The following SH3BP4 variants were observed in gnomAD, a reference collection of about 807,000 sequenced individuals.
The protein encoded by SH3BP4 is SH3 domain-binding protein 4.
Under a neutral mutation model 65.5 loss-of-function variants are expected in SH3BP4, and 33 were observed. The observed-to-expected ratio is 0.50, with a 90% confidence interval of 0.38 to 0.67. SH3BP4 has a LOEUF of 0.67. Ranked by LOEUF, SH3BP4 falls within the 30% of genes least tolerant of loss-of-function variation. SH3BP4 has a pLI of 0.00. For missense variants in SH3BP4, 1,134 were observed against 1,261.4 expected (o/e 0.90, Z 1.53); for synonymous variants, 552 against 545.5 (o/e 1.01, Z -0.17).
chr2:234,957,710 C>T (rs1454926159), intron 1 of SH3BP4, among the ~76,000 whole-genome samples: 1 of 151,906 alleles, frequency 6.6e-6, no homozygotes, highest in Non-Finnish European at 1.5e-5. Context: ...ATTTGGAAAG[C>T]TTCCCGGGTG....
At position 234,974,745 on chromosome 2, in the gene SH3BP4, G is replaced by A. The variant is rs1349368288; in HGVS notation, c.-206-20558G>A. On this transcript the variant is annotated intron_variant, in intron 1 of 5. Coordinates refer to ENST00000392011, the MANE Select transcript of SH3BP4 (RefSeq NM_014521.3). This position sits in a 1 kb window ranked among gnomAD's most constrained non-coding sequence, Gnocchi z 4.6. ...CGAGGGGTTCCTTGCCAGCTTCTCT[G>A]GCTCCTGTCTGCCTCCTCTTTGTTC... Among the ~76,000 whole-genome samples, 3 of 152,134 alleles carry A rather than the reference G, an allele frequency of 2.0e-5. No individual in the cohort carries two copies. Among genetic ancestry groups the A allele is most frequent in the African/African-American group, 4.8e-5 (2 of 41,428 alleles).
intron 1 of SH3BP4, among the ~76,000 whole-genome samples, chr2:234,989,840 G>A (rs1055359497): frequency 2.0e-5 from 3 of 152,138 alleles, no homozygotes; most frequent in Non-Finnish European, 4.4e-5. Context: ...TTTGGCCCGC[G>A]GGCTGTAGTT....
intron 1 of SH3BP4, among the ~76,000 whole-genome samples, chr2:234,985,087 G>A (rs895036922): frequency 7.2e-4 from 109 of 152,306 alleles, no homozygotes; most frequent in African/African-American, 2.5e-3. Flanking sequence ...AGGCTGACCC[G>A]GGCTTGGGGC....
intron 4 of SH3BP4, among the ~76,000 whole-genome samples, chr2:235,048,888 G>A (rs1423162831): frequency 6.6e-6 from 1 of 152,198 alleles, no homozygotes. Context: ...GCAGTCCATC[G>A]AGTGTTTCCT....
At chr2:235,003,684 C>T (rs556351304) in intron 2 of SH3BP4, among the ~76,000 whole-genome samples, 28 of 152,276 alleles carry the variant, frequency 1.8e-4, no homozygotes, top group African/African-American at 6.5e-4. Flanking sequence ...CAGTTATGGG[C>T]GTGTGACACC....
At position 235,042,132 on chromosome 2, in the gene SH3BP4, GC is replaced by G. The variant is rs1291150184; in HGVS notation, c.1366del (p.His456MetfsTer36). 2 of 1,613,960 alleles carry G rather than the reference GC, an allele frequency of 1.2e-6. No individual in the cohort carries two copies. On this transcript the variant is annotated frameshift_variant, in exon 4 of 6. Transcript: ENST00000392011. LOFTEE classifies it high-confidence loss of function. The surrounding 1 kb of genome is among the most constrained non-coding windows in gnomAD (Gnocchi z 7.3). ...GCCCTGTATGTACGTGGCTGTCGTGGCCCATGGCCCAAGCATCCTCTACCCT... is the reference window on the plus strand; with the variant it reads ...GCCCTGTATGTACGTGGCTGTCGTGGCCATGGCCCAAGCATCCTCTACCCT... ...LEPCMYVAVV[A>X]HGPSILYPST...
chr2:234,991,289 C>T lies in SH3BP4; in HGVS notation c.-206-4014C>T, dbSNP rs890350631. The stretch of plus-strand genomic sequence containing the variant: ...CATTTATCCACTCACCCTCCCAGAC[C>T]CTCTGAGGTGGGATCAACTCTCTGC... On this transcript the variant is annotated intron_variant, in intron 1 of 5. Coordinates refer to ENST00000392011, the MANE Select transcript of SH3BP4 (RefSeq NM_014521.3). This position sits in a 1 kb window ranked among gnomAD's most constrained non-coding sequence, Gnocchi z 4.2. 2.6e-5 allele frequency among the ~76,000 whole-genome samples: 4 copies of T among 152,114 alleles called. No individual in the cohort carries two copies. Among genetic ancestry groups the T allele is most frequent in the Non-Finnish European group, 5.9e-5 (4 of 68,022 alleles).
At position 235,038,299 on chromosome 2, in the gene SH3BP4, T is replaced by TATATAA. The variant is rs1417284927; in HGVS notation, c.119-2589_119-2588insATATAA. On this transcript the variant is annotated intron_variant, in intron 3 of 5. Transcript: ENST00000392011. ...ATATATATTATATATAATATATATA[T>TATATAA]TATATATATATATTATATATTATAT... Among the ~76,000 whole-genome samples the TATATAA allele has an allele frequency of 9.3e-3, 109 of 11,762 alleles. 4 individuals carry two copies. Among genetic ancestry groups the TATATAA allele is most frequent in the African/African-American group, 0.077 (96 of 1,248 alleles). 7.7% of individuals were successfully genotyped at this position (11,762 alleles called of 152,430 possible).
intron 2 of SH3BP4, among the ~76,000 whole-genome samples, chr2:235,011,175 C>T (rs201634917): frequency 2.2e-5 from 2 of 91,312 alleles, no homozygotes; most frequent in African/African-American, 9.4e-5. Flanking sequence ...CCCTTCCTCC[C>T]TCTCCTAGGA....
At chr2:235,049,274 C>T (rs998162523) in intron 4 of SH3BP4, among the ~76,000 whole-genome samples, 9 of 152,198 alleles carry the variant, frequency 5.9e-5, no homozygotes, top group Non-Finnish European at 1.2e-4. Flanking sequence ...GGACCTGTGC[C>T]CAGTTCCCCT....
intron 3 of SH3BP4, among the ~76,000 whole-genome samples, chr2:235,038,514 G>A (rs1437596248): frequency 6.8e-6 from 1 of 146,214 alleles, no homozygotes; most frequent in African/African-American, 2.5e-5. Context: ...CTTAATATAT[G>A]TTATATGTAT....
chr2:235,006,234 G>A (rs1694289796), intron 2 of SH3BP4, among the ~76,000 whole-genome samples: 1 of 152,226 alleles, frequency 6.6e-6, no homozygotes, highest in Non-Finnish European at 1.5e-5. Flanking sequence ...GTCTTTGCGG[G>A]CTTTGTTCCG....
chr2:234,980,194 C>T (rs1260360279), intron 1 of SH3BP4, among the ~76,000 whole-genome samples: 1 of 152,044 alleles, frequency 6.6e-6, no homozygotes, highest in East Asian at 1.9e-4. Context: ...GATACAGGGC[C>T]CCCAGAAGGT....
At chr2:235,019,433 ATTTT>A (rs564639628) in intron 2 of SH3BP4, among the ~76,000 whole-genome samples, 1 of 129,158 alleles carries the variant, frequency 7.7e-6, no homozygotes, top group Admixed American at 8.1e-5. Context: ...GGAAGGGCGA[ATTTT>A]TTTTTTTTTT....
chr2:234,993,197 C>T (rs1422564416), intron 1 of SH3BP4, among the ~76,000 whole-genome samples: 1 of 152,156 alleles, frequency 6.6e-6, no homozygotes, highest in Non-Finnish European at 1.5e-5. Flanking sequence ...TTTCTCGAAG[C>T]CCCCGTCAGA....
At chr2:234,988,572 T>C (rs1693653787) in intron 1 of SH3BP4, among the ~76,000 whole-genome samples, 1 of 152,134 alleles carries the variant, frequency 6.6e-6, no homozygotes, top group African/African-American at 2.4e-5. Flanking sequence ...ACAGGTGTAG[T>C]GGGCCCTGTG....
chr2:234,972,316 T>A (rs1693025914), intron 1 of SH3BP4, among the ~76,000 whole-genome samples: 1 of 151,900 alleles, frequency 6.6e-6, no homozygotes, highest in Admixed American at 6.6e-5. Flanking sequence ...ATTTTTTTAG[T>A]AGAGACAGGG....
chr2:235,027,964 G>A (rs1048810104), intron 2 of SH3BP4, among the ~76,000 whole-genome samples: 5 of 152,182 alleles, frequency 3.3e-5, no homozygotes, highest in African/African-American at 4.8e-5. Context: ...TGGCGTGACA[G>A]CAGCCGTAGC....
chr2:234,960,277 CT>C (rs150610488), intron 1 of SH3BP4, among the ~76,000 whole-genome samples: 5,815 of 152,356 alleles, frequency 0.038, 371 homozygotes, highest in African/African-American at 0.13. Flanking sequence ...TTCCTTACCC[CT>C]GTCCCAAATA....
Sources: allele counts gnomAD v4.1 joint callset (sites outside exome capture counted in the v4.1 genomes callset), GRCh38; gene constraint gnomAD v4.1.1; non-coding constraint Gnocchi (gnomAD v3.1); transcripts MANE v1.5; gene names NCBI Gene and HGNC (gene_info 2026-07-23, HGNC 2026-07-21).